The following PACSIN2 variants were observed in gnomAD, a reference collection of about 807,000 sequenced individuals.
The protein encoded by PACSIN2 is protein kinase C and casein kinase substrate in neurons protein 2.
A neutral mutation model predicts 63.8 loss-of-function variants in PACSIN2; 25 were observed. The observed-to-expected ratio is 0.39, with a 90% CI of 0.29 to 0.55. The LOEUF (loss-of-function observed/expected upper bound fraction) is 0.55, where lower values mean the gene tolerates loss of function less well. Among genes scored for constraint, PACSIN2 ranks in the 20% least tolerant of loss-of-function variants. The probability of loss-of-function intolerance (pLI) is 0.62; values close to 1 mark genes in which losing one functional copy is unlikely to be tolerated. For missense variants in PACSIN2, 518 were observed against 646.9 expected (o/e 0.80, Z 2.16); for synonymous variants, 255 against 256.2 (o/e 1.00, Z 0.05).
intron 1 of PACSIN2, among the ~76,000 whole-genome samples, chr22:42,972,184 C>G (rs554920121): frequency 6.6e-6 from 1 of 152,338 alleles, no homozygotes; most frequent in African/African-American, 2.4e-5. Flanking sequence ...TGCCTTGGGA[C>G]GCTGTTGATC....
At chr22:42,909,108 C>A (rs1045887594) in intron 2 of PACSIN2, among the ~76,000 whole-genome samples, 4 of 152,144 alleles carry the variant, frequency 2.6e-5, no homozygotes, top group African/African-American at 9.7e-5. Context: ...TTCCTTCATT[C>A]GTCCAGCAAG....
At chr22:42,970,780 G>C (rs1921198357) in intron 1 of PACSIN2, among the ~76,000 whole-genome samples, 2 of 152,232 alleles carry the variant, frequency 1.3e-5, no homozygotes. Context: ...CCCCGTGTAA[G>C]CTGATGTCAC....
intron 1 of PACSIN2, among the ~76,000 whole-genome samples, chr22:42,947,458 C>T (rs556238520): frequency 3.3e-5 from 5 of 152,248 alleles, no homozygotes; most frequent in African/African-American, 1.2e-4. Flanking sequence ...AGAGGAGCGG[C>T]CTCTTCCCAT....
intron 8 of PACSIN2, among the ~76,000 whole-genome samples, chr22:42,878,124 C>T (rs1204351964): frequency 1.3e-5 from 2 of 152,136 alleles, no homozygotes; most frequent in Non-Finnish European, 1.5e-5. Flanking sequence ...CTGGTGGGGG[C>T]GGCTGGATTG....
chr22:42,975,395 A>C (rs1921618909), intron 1 of PACSIN2, among the ~76,000 whole-genome samples: 1 of 151,358 alleles, frequency 6.6e-6, no homozygotes, highest in South Asian at 2.1e-4. Context: ...GAGGCAGGAG[A>C]ATTGCTCGAG....
chr22:42,969,322 T>C (rs1921067511), intron 1 of PACSIN2, among the ~76,000 whole-genome samples: 1 of 152,252 alleles, frequency 6.6e-6, no homozygotes. Context: ...TCTATAAATG[T>C]ATTCCAACTA....
chr22:42,995,816 C>T lies in PACSIN2; in HGVS notation c.-78+19205G>A, dbSNP rs568832740. Among the ~76,000 whole-genome samples, 7 of 152,274 alleles carry T rather than the reference C, an allele frequency of 4.6e-5. No individual in the cohort carries two copies. In the East Asian group the frequency reaches 1.2e-3, roughly 25 times the overall value. Reference sequence around the variant, plus strand: ...CAGTGACCCACACCTGTAATCCCAGCGCTCTGGGAAGCCGGGACAGGAGGA... The same window carrying T: ...CAGTGACCCACACCTGTAATCCCAGTGCTCTGGGAAGCCGGGACAGGAGGA... On this transcript the variant is annotated intron_variant, in intron 1 of 10. Coordinates refer to ENST00000263246, the MANE Select transcript of PACSIN2 (RefSeq NM_001184970.3).
intron 2 of PACSIN2, among the ~76,000 whole-genome samples, chr22:42,910,894 C>G (rs1005933124): frequency 6.6e-6 from 1 of 150,892 alleles, no homozygotes; most frequent in African/African-American, 2.5e-5. Flanking sequence ...ACTACAGGTA[C>G]TCAGTTAACA....
chr22:42,971,157 C>A (rs910254324), intron 1 of PACSIN2, among the ~76,000 whole-genome samples: 1 of 152,262 alleles, frequency 6.6e-6, no homozygotes, highest in African/African-American at 2.4e-5. Flanking sequence ...ACTGTACTGC[C>A]GCCATCTCGG....
rs1424944611 is a variant in PACSIN2, at chr22:42,987,492, A to ACC, written c.-78+27527_-78+27528dup. ...CACACACACACACACACACACACAC[A>ACC]CCCATGGCACCATGTTCAGAAGACG... On this transcript the variant is annotated intron_variant, in intron 1 of 10. Transcript: ENST00000263246. 1.7e-3 allele frequency among the ~76,000 whole-genome samples: 174 copies of ACC among 99,834 alleles called. 1 individual carries two copies. The highest frequency in any genetic ancestry group is 2.3e-3 in the Non-Finnish European group (115 of 50,290). The allele number at this position is 99,834 out of a possible 152,430, so 65.5% of individuals were successfully genotyped here.
intron 2 of PACSIN2, among the ~76,000 whole-genome samples, chr22:42,896,205 A>C (rs2146682535): frequency 6.6e-6 from 1 of 152,162 alleles, no homozygotes; most frequent in Admixed American, 6.5e-5. Flanking sequence ...CAGCAACCAC[A>C]GACATGATTT....
intron 1 of PACSIN2, among the ~76,000 whole-genome samples, chr22:42,927,434 A>G (rs780495095): frequency 6.6e-6 from 1 of 151,960 alleles, no homozygotes; most frequent in Non-Finnish European, 1.5e-5. Flanking sequence ...TTTTTAGTAG[A>G]GACAGGGTTT....
rs1210483027 is a variant in PACSIN2, at chr22:42,870,045, G to T, written c.*1312C>A. 2 of 130,650 alleles carry T rather than the reference G, an allele frequency of 1.5e-5. No homozygotes were observed. Among genetic ancestry groups the T allele is most frequent in the African/African-American group, 5.7e-5 (2 of 34,864 alleles). The allele number at this position is 130,650 out of a possible 1,614,324, so 8.1% of individuals were successfully genotyped here. On this transcript the variant is annotated 3_prime_UTR_variant, in exon 11 of 11. Transcript: ENST00000263246. ...GTTCCCCCACGTTCCCCCCACCCCC[G>T]CCGGCCCGCGTGGCCCCCGCGTAAC...
In PACSIN2 at chr22:42,879,043, C is replaced by G. The variant is rs1177905595; in HGVS notation, c.1028+5G>C. ...CTCTTTTGGATGGAGGTGGCGCCCA[C>G]TCACCTGCTGGGCTTACTCGGCAGA... is the stretch of plus-strand genomic sequence containing the variant. On this transcript the variant is annotated splice_donor_5th_base_variant and intron_variant, in intron 8 of 10. Coordinates refer to ENST00000263246, the MANE Select transcript of PACSIN2 (RefSeq NM_001184970.3). The G allele has an allele frequency of 6.2e-7, 1 of 1,612,422 alleles. No homozygotes were observed. The highest frequency in any genetic ancestry group is 1.3e-5 in the African/African-American group (1 of 74,892).
intron 2 of PACSIN2, among the ~76,000 whole-genome samples, chr22:42,901,257 G>A (rs1930665332): frequency 6.6e-6 from 1 of 152,122 alleles, no homozygotes; most frequent in East Asian, 1.9e-4. Flanking sequence ...CAAGCCCATG[G>A]AACCAGAGTC....
chr22:42,933,701 C>T lies in PACSIN2; in HGVS notation c.-77-21544G>A, dbSNP rs76909683. Among the ~76,000 whole-genome samples the T allele has an allele frequency of 9.5e-3, 1,451 of 152,332 alleles. 23 individuals carry two copies. The highest frequency in any genetic ancestry group is 0.033 in the African/African-American group (1,357 of 41,572). On this transcript the variant is annotated intron_variant, in intron 1 of 10. Coordinates refer to ENST00000263246, the MANE Select transcript of PACSIN2 (RefSeq NM_001184970.3). ...CCCTCACAGCCCCCGCACCCTGCAC[C>T]GTCCTTCACAGAACCAGACCCTCTT...
intron 10 of PACSIN2, among the ~76,000 whole-genome samples, chr22:42,873,707 G>T (rs1928353808): frequency 6.6e-6 from 1 of 152,216 alleles, no homozygotes; most frequent in Non-Finnish European, 1.5e-5. Context: ...CACAAAGAGG[G>T]CAAGAGAGGG....
rs890988178 is a variant in PACSIN2 at position 42,912,201 on chromosome 22, A to T, written c.-77-44T>A. The T allele has an allele frequency of 2.6e-5, 17 of 647,508 alleles. No homozygotes were observed. In the African/African-American group the frequency reaches 3.0e-4, roughly 12 times the overall value. 40.1% of individuals were successfully genotyped at this position (647,508 alleles called of 1,614,324 possible). On this transcript the variant is annotated intron_variant, in intron 1 of 10. Transcript: ENST00000263246. ...TAACATAGTGGTTTTTAAATTCCCAAGGTAAAGAAACAAGTCATCTCTATT... is the reference window on the plus strand; with the variant it reads ...TAACATAGTGGTTTTTAAATTCCCATGGTAAAGAAACAAGTCATCTCTATT...
intron 1 of PACSIN2, among the ~76,000 whole-genome samples, chr22:42,995,954 C>T (rs972372069): frequency 3.3e-5 from 5 of 152,140 alleles, no homozygotes; most frequent in African/African-American, 1.2e-4. Context: ...GGCGTGGTGG[C>T]TCACGTCTGT....
Sources: allele counts gnomAD v4.1 joint callset (sites outside exome capture counted in the v4.1 genomes callset), GRCh38; gene constraint gnomAD v4.1.1; transcripts MANE v1.5; gene names NCBI Gene and HGNC (gene_info 2026-07-23, HGNC 2026-07-21).